Variants in KLHL23 observed in about 807,000 individuals in gnomAD.
The protein encoded by KLHL23 is kelch-like protein 23.
In KLHL23, 33 loss-of-function variants were observed where a neutral mutation model predicts 48.9. That is an observed-to-expected ratio of 0.67 (90% CI 0.51 to 0.90). The LOEUF (loss-of-function observed/expected upper bound fraction) is 0.90, where lower values mean the gene tolerates loss of function less well. Among genes scored for constraint, KLHL23 ranks in the 40% least tolerant of loss-of-function variants. The pLI, the probability that KLHL23 is intolerant of heterozygous loss-of-function variation, is 0.00. For missense variants in KLHL23, 608 were observed against 669.6 expected, an observed-to-expected ratio of 0.91 and a Z score of 1.02; for synonymous variants, 234 against 231.6, an observed-to-expected ratio of 1.01 and a Z score of -0.09.
intron 2 of KLHL23, among the ~76,000 whole-genome samples, chr2:169,738,668 A>G (rs1420401052): frequency 6.6e-6 from 1 of 152,000 alleles, no homozygotes; most frequent in Non-Finnish European, 1.5e-5. Flanking sequence ...CTACTTATAA[A>G]TCCACTTTTA....
Position 169,749,578 on chromosome 2 carries a change from G to C in KLHL23, c.1523G>C (p.Gly508Ala). 6.2e-7 allele frequency: 1 copy of C among 1,614,018 alleles called. No homozygotes were observed. The change falls in exon 4 of 4, where the codon GGA becomes GCA. Residue 508 changes from glycine (G) to alanine (A), a missense_variant. Physicochemically the swap from Gly to Ala is moderately conservative, Grantham distance 60. Around this residue, in one of 3 missense-constraint regions of KLHL23, gnomAD observed 179 missense variants for 169.9 expected, o/e 1.05. Transcript: ENST00000392647. ...GAGTGCGGTGCCGTCATCATGAATGGATGTATTTATGTCACTGGAGGATAC... is the reference window on the plus strand; with the variant it reads ...GAGTGCGGTGCCGTCATCATGAATGCATGTATTTATGTCACTGGAGGATAC... The part of the protein sequence containing the change: ...RMECGAVIMN[G>A]CIYVTGGYSY...
Position 169,749,737 on chromosome 2 carries a change from A to G in KLHL23, c.*5A>G. 1 of 1,578,622 alleles carries G rather than the reference A, an allele frequency of 6.3e-7. No individual in the cohort carries two copies. Among genetic ancestry groups the G allele is most frequent in the Non-Finnish European group, 8.6e-7 (1 of 1,156,832 alleles). ...GTTTGTGTGTATAATGTCTAATTGAATCTGCAGAAATGACCAAGCAATCAC... is the reference window on the plus strand; with the variant it reads ...GTTTGTGTGTATAATGTCTAATTGAGTCTGCAGAAATGACCAAGCAATCAC... On this transcript the variant is annotated 3_prime_UTR_variant, in exon 4 of 4. Transcript: ENST00000392647.
chr2:169,749,603 C>A lies in KLHL23; in HGVS notation c.1548C>A (p.Tyr516Ter). 6.2e-7 allele frequency: 1 copy of A among 1,613,964 alleles called. No homozygotes were observed. The highest frequency in any genetic ancestry group is 1.3e-5 in the African/African-American group (1 of 74,972). The change falls in exon 4 of 4, where the codon TAC becomes TAA. Residue 516 changes from tyrosine to a stop codon, truncating the protein, a stop_gained. Transcript: ENST00000392647. LOFTEE classifies it high-confidence loss of function. ...MNGCIYVTGG[Y>*]SYSKGTYLQS... Reference sequence around the variant, plus strand: ...GATGTATTTATGTCACTGGAGGATACTCCTACTCAAAGGGAACGTATCTTC... The same window carrying A: ...GATGTATTTATGTCACTGGAGGATAATCCTACTCAAAGGGAACGTATCTTC...
Position 169,751,440 on chromosome 2 carries a change from A to G in KLHL23, c.*1708A>G, listed in dbSNP as rs541229431. The G allele has an allele frequency of 6.6e-6, 1 of 152,388 alleles. No individual in the cohort carries two copies. The highest frequency in any genetic ancestry group is 2.4e-5 in the African/African-American group (1 of 41,598). The allele number at this position is 152,388 out of a possible 1,614,324, so 9.4% of individuals were successfully genotyped here. ...CTTTGGAAACACAATATGGTACTACATAGCAAGGGCTGTAAAAATGACCAT... is the reference window on the plus strand; with the variant it reads ...CTTTGGAAACACAATATGGTACTACGTAGCAAGGGCTGTAAAAATGACCAT... On this transcript the variant is annotated 3_prime_UTR_variant, in exon 4 of 4. Transcript: ENST00000392647.
At chr2:169,741,934 A>G (rs1688686003) in intron 3 of KLHL23, among the ~76,000 whole-genome samples, 1 of 152,258 alleles carries the variant, frequency 6.6e-6, no homozygotes, top group Non-Finnish European at 1.5e-5. Context: ...AAGTTCAGCT[A>G]GAAATTGTTT....
At position 169,741,490 on chromosome 2, in the gene KLHL23, A is replaced by G; in HGVS notation, c.1319A>G (p.Asn440Ser). 6.2e-7 allele frequency: 1 copy of G among 1,613,990 alleles called. No individual in the cohort carries two copies. The highest frequency in any genetic ancestry group is 1.1e-5 in the South Asian group (1 of 91,064). Residue 440 changes from asparagine to serine, a missense_variant, in exon 3 of 4, where the codon AAT (asparagine) becomes AGT (serine). This residue lies in a region of KLHL23 where 179 missense variants were observed against 169.9 expected (regional missense o/e 1.05). Transcript: ENST00000392647. The part of the protein sequence containing the change: ...SCTYDKVQSY[N>S]SDINEWSLIT... Reference sequence around the variant, plus strand: ...ACCTATGACAAAGTTCAGAGCTACAATTCCGATATCAACGAATGGAGCCTC... The same window carrying G: ...ACCTATGACAAAGTTCAGAGCTACAGTTCCGATATCAACGAATGGAGCCTC...
At chr2:169,745,296 A>T (rs563855716) in intron 3 of KLHL23, among the ~76,000 whole-genome samples, 1 of 151,922 alleles carries the variant, frequency 6.6e-6, no homozygotes, top group African/African-American at 2.4e-5. Context: ...GCGGATCATG[A>T]GGTCAGGAGA....
chr2:169,743,122 T>G (rs1157153175), intron 3 of KLHL23, among the ~76,000 whole-genome samples: 1 of 152,204 alleles, frequency 6.6e-6, no homozygotes, highest in Non-Finnish European at 1.5e-5. Flanking sequence ...CCTTAGAAGT[T>G]AGATGTTACT....
intron 3 of KLHL23, among the ~76,000 whole-genome samples, chr2:169,745,523 A>AG (rs1244033957): frequency 1.3e-5 from 2 of 150,596 alleles, no homozygotes; most frequent in Non-Finnish European, 3.0e-5. Context: ...CAAAAAAAAA[A>AG]AAAAAAAAAA....
chr2:169,735,554 T>C lies in KLHL23; in HGVS notation c.540T>C (p.Leu180=), dbSNP rs748283756. 1 of 1,613,546 alleles carries C rather than the reference T, an allele frequency of 6.2e-7. No homozygotes were observed. Among genetic ancestry groups the C allele is most frequent in the African/African-American group, 1.3e-5 (1 of 74,894 alleles). The change falls in exon 2 of 4, where the codon CTT becomes CTC. Residue 180 remains leucine (L), a synonymous_variant. Transcript: ENST00000392647. The surrounding 1 kb of genome is among the most constrained non-coding windows in gnomAD (Gnocchi z 4.5). ...WQQEEFLEIS[L]EKFLFILSRK... ...AAGAAGAATTTCTGGAAATCAGCCTTGAAAAGTTTCTCTTTATCTTGTCCA... is the reference window on the plus strand; with the variant it reads ...AAGAAGAATTTCTGGAAATCAGCCTCGAAAAGTTTCTCTTTATCTTGTCCA...
chr2:169,742,806 C>A (rs1415389648), intron 3 of KLHL23, among the ~76,000 whole-genome samples: 1 of 152,218 alleles, frequency 6.6e-6, no homozygotes, highest in Non-Finnish European at 1.5e-5. Flanking sequence ...CCACTTTCTG[C>A]TGTGATCAGT....
At position 169,735,299 on chromosome 2, in the gene KLHL23, A is replaced by G. The variant is rs1251293552; in HGVS notation, c.285A>G (p.Ala95=). 1.9e-6 allele frequency: 3 copies of G among 1,613,540 alleles called. No individual in the cohort carries two copies. The highest frequency in any genetic ancestry group is 4.5e-5 in the East Asian group (2 of 44,876). ...HDILEGLVNY[A]YTSQIEITKR... is the part of the protein sequence containing the mutation. ...TTCTGGAAGGCCTTGTAAATTATGC[A>G]TACACTTCCCAAATTGAAATAACTA... The change falls in exon 2 of 4, where the codon GCA becomes GCG. Residue 95 remains alanine, a synonymous_variant. Coordinates refer to ENST00000392647, the MANE Select transcript of KLHL23 (RefSeq NM_144711.6). This position sits in a 1 kb window ranked among gnomAD's most constrained non-coding sequence, Gnocchi z 4.5.
intron 2 of KLHL23, 104 bp downstream of exon 2, chr2:169,736,331 A>C (rs1030313817): frequency 7.1e-7 from 1 of 1,412,490 alleles, no homozygotes. Flanking sequence ...TCTAGGAACT[A>C]TAGTTAATTA....
Position 169,749,560 on chromosome 2 carries a change from G to A in KLHL23, c.1505G>A (p.Gly502Asp), listed in dbSNP as rs1335998694. ...APMMERRMEC[G>D]AVIMNGCIYV... ...ATGATGGAAAGGAGGATGGAGTGCG[G>A]TGCCGTCATCATGAATGGATGTATT... Residue 502 changes from glycine to aspartate, a missense_variant, in exon 4 of 4, where the codon GGT becomes GAT. Coordinates refer to ENST00000392647, the MANE Select transcript of KLHL23 (RefSeq NM_144711.6). 1 of 1,614,058 alleles carries A rather than the reference G, an allele frequency of 6.2e-7. No homozygotes were observed. The highest frequency in any genetic ancestry group is 2.2e-5 in the East Asian group (1 of 44,874).
rs374379033 is a variant in KLHL23, at chr2:169,741,477, G to C, written c.1306G>C (p.Val436Leu). The change falls in exon 3 of 4, where the codon GTT becomes CTT. Residue 436 changes from valine (V) to leucine (L), a missense_variant. By Grantham distance (32) the Val-to-Leu change is conservative. Around this residue, in one of 3 missense-constraint regions of KLHL23, gnomAD observed 179 missense variants for 169.9 expected, o/e 1.05. Coordinates refer to ENST00000392647, the MANE Select transcript of KLHL23 (RefSeq NM_144711.6). ...GYRGSCTYDK[V>L]QSYNSDINEW... ...CAGAGGAAGCTGCACCTATGACAAA[G>C]TTCAGAGCTACAATTCCGATATCAA... is the stretch of plus-strand genomic sequence containing the variant. 4.3e-5 allele frequency: 69 copies of C among 1,613,856 alleles called. No homozygotes were observed. The highest frequency in any genetic ancestry group is 5.8e-5 in the Non-Finnish European group (68 of 1,179,960).
rs1688927693 is a variant in KLHL23, at chr2:169,750,060, G to GTGTATATATACGTGTGTATGTATAAATA, written c.*329_*330insGTATATATACGTGTGTATGTATAAATAT. 1 of 20,248 alleles carries GTGTATATATACGTGTGTATGTATAAATA rather than the reference G, an allele frequency of 4.9e-5. No individual in the cohort carries two copies. The allele number at this position is 20,248 out of a possible 1,614,324, so 1.3% of individuals were successfully genotyped here. A position where few individuals can be genotyped will look rare whatever the true frequency, so the allele number is the denominator to read the frequency against. On this transcript the variant is annotated 3_prime_UTR_variant, in exon 4 of 4. Transcript: ENST00000392647. ...GTATATATAGTATGTATGTATACAT[G>GTGTATATATACGTGTGTATGTATAAATA]TATGTGTATATATACGTATGTATGT...
intron 3 of KLHL23, among the ~76,000 whole-genome samples, chr2:169,742,863 C>T (rs6750738): frequency 0.59 from 90,145 of 152,140 alleles, 28,178 homozygotes; most frequent in Admixed American, 0.7. Flanking sequence ...TGAGAAATAG[C>T]TAGCATTTAT....
chr2:169,751,274 C>T lies in KLHL23; in HGVS notation c.*1542C>T, dbSNP rs1226258816. ...GTTATCTGTGAGACCATCTATTCCA[C>T]ACTCTTCATTTTTTAAAAAGAGACA... On this transcript the variant is annotated 3_prime_UTR_variant, in exon 4 of 4. Transcript: ENST00000392647. 6.6e-6 allele frequency: 1 copy of T among 152,204 alleles called. No individual in the cohort carries two copies. The highest frequency in any genetic ancestry group is 1.5e-5 in the Non-Finnish European group (1 of 68,050). The allele number at this position is 152,204 out of a possible 1,614,324, so 9.4% of individuals were successfully genotyped here.
At chr2:169,747,483 T>C (rs1267998164) in intron 3 of KLHL23, among the ~76,000 whole-genome samples, 1 of 86,496 alleles carries the variant, frequency 1.2e-5, no homozygotes, top group Non-Finnish European at 2.4e-5. Flanking sequence ...TTTTTTTTTT[T>C]AAGAGACAGG....
Sources: allele counts gnomAD v4.1 joint callset (sites outside exome capture counted in the v4.1 genomes callset), GRCh38; gene constraint gnomAD v4.1.1; regional missense constraint gnomAD v4.1.1; non-coding constraint Gnocchi (gnomAD v3.1); transcripts MANE v1.5; gene names NCBI Gene and HGNC (gene_info 2026-07-23, HGNC 2026-07-21).